Variants in MYO9A observed in about 807,000 individuals in gnomAD.
The protein encoded by MYO9A is unconventional myosin-IXa.
MYO9A carries 103 observed loss-of-function variants against 293.3 expected under a neutral mutation model. That is an observed-to-expected ratio of 0.35 (90% confidence interval 0.30 to 0.41). The LOEUF (loss-of-function observed/expected upper bound fraction) is 0.41. Ranked by LOEUF, MYO9A falls within the 10% of genes least tolerant of loss-of-function variation. MYO9A has a pLI of 1.00. For missense variants in MYO9A, 2,685 were observed against 3,033.0 expected, an observed-to-expected ratio of 0.89 and a Z score of 2.69; for synonymous variants, 1,001 against 1,035.7, an observed-to-expected ratio of 0.97 and a Z score of 0.64.
chr15:72,103,016 C>T (rs2080412042), intron 1 of MYO9A, among the ~76,000 whole-genome samples: 1 of 144,090 alleles, frequency 6.9e-6, no homozygotes, highest in African/African-American at 2.6e-5. Flanking sequence ...GAATCTCACT[C>T]TGTCACCCAG....
chr15:71,829,998 C>T, intron 40 of MYO9A, 111 bp downstream of exon 40: 1 of 1,087,396 alleles, frequency 9.2e-7, no homozygotes, highest in Non-Finnish European at 1.4e-6. Flanking sequence ...TATCATCTGA[C>T]ACAGTGTTTA....
chr15:71,955,246 G>C (rs1206778915), intron 14 of MYO9A, among the ~76,000 whole-genome samples: 1 of 151,722 alleles, frequency 6.6e-6, no homozygotes, highest in Non-Finnish European at 1.5e-5. Context: ...TCCTGCCTCA[G>C]CTTCCCAAGT....
intron 3 of MYO9A, among the ~76,000 whole-genome samples, chr15:72,030,075 T>A (rs1346816125): frequency 6.6e-6 from 1 of 152,218 alleles, no homozygotes; most frequent in Non-Finnish European, 1.5e-5. Context: ...TTCATTAAAA[T>A]AAAGCTCAAA....
intron 1 of MYO9A, among the ~76,000 whole-genome samples, chr15:72,076,892 A>C (rs780062245): frequency 7.9e-5 from 12 of 152,176 alleles, no homozygotes; most frequent in Non-Finnish European, 1.6e-4. Flanking sequence ...AGATCAATGA[A>C]ACAGAAAAGA....
chr15:72,088,906 T>C (rs1167535103), intron 1 of MYO9A, among the ~76,000 whole-genome samples: 1 of 152,220 alleles, frequency 6.6e-6, no homozygotes. Flanking sequence ...TACATGTATG[T>C]CTATGCTCAT....
intron 1 of MYO9A, among the ~76,000 whole-genome samples, chr15:72,109,215 G>A (rs769950459): frequency 4.6e-5 from 7 of 151,638 alleles, no homozygotes; most frequent in South Asian, 2.1e-4. Context: ...ACCGTGAAAC[G>A]CCACCTCTAC....
chr15:71,830,973 CTTT>C (rs67440366), intron 39 of MYO9A, among the ~76,000 whole-genome samples: 4 of 103,084 alleles, frequency 3.9e-5, no homozygotes, highest in Non-Finnish European at 5.7e-5. Flanking sequence ...CTGCTTCTTC[CTTT>C]TTTTTTTTTT....
chr15:72,031,364 T>C (rs1326988707), intron 3 of MYO9A, among the ~76,000 whole-genome samples: 1 of 152,146 alleles, frequency 6.6e-6, no homozygotes, highest in Non-Finnish European at 1.5e-5. Flanking sequence ...TACACGCCTG[T>C]AGTCCCAGCT....
chr15:72,003,205 A>G (rs28636457), intron 8 of MYO9A, among the ~76,000 whole-genome samples: 2,014 of 148,966 alleles, frequency 0.014, 28 homozygotes, highest in African/African-American at 0.023. Context: ...GGAGGCAGAG[A>G]TTGTGGTGAG....
rs1021902985 is a variant in MYO9A, at chr15:72,022,392, C to A, written c.999-1375G>T. Among the ~76,000 whole-genome samples, 10 of 151,928 alleles carry A rather than the reference C, an allele frequency of 6.6e-5. No homozygotes were observed. In the South Asian group the frequency reaches 1.3e-3, roughly 19 times the overall value. ...AAAATTAGCTGGGCATCATGACGTG[C>A]GCCTGTAGTCCCAGCTACTCTGGGA... On this transcript the variant is annotated intron_variant, in intron 4 of 41. Transcript: ENST00000356056.
At position 72,045,905 on chromosome 15, in the gene MYO9A, TCAGCCA is replaced by T; in HGVS notation, c.653_658del (p.Val218_Ala219del). 1 of 1,614,150 alleles carries T rather than the reference TCAGCCA, an allele frequency of 6.2e-7. No homozygotes were observed. The highest frequency in any genetic ancestry group is 8.5e-7 in the Non-Finnish European group (1 of 1,180,018). On this transcript the variant is annotated inframe_deletion, in exon 2 of 42. Transcript: ENST00000356056. ...CTGAAGCATGGCATGATAAGCTACA[TCAGCCA>T]CAGCATAAATGTGGGGCTCAAGTTT...
rs766156056 is a variant in MYO9A at position 72,085,393 on chromosome 15, CAAAAAAA to C, written c.-72+32280_-72+32286del. Among the ~76,000 whole-genome samples, 3 of 95,178 alleles carry C rather than the reference CAAAAAAA, an allele frequency of 3.2e-5. No homozygotes were observed. The South Asian group carries it at 9.5e-4, about 30-fold the overall frequency. 62.4% of individuals were successfully genotyped at this position (95,178 alleles called of 152,430 possible). On this transcript the variant is annotated intron_variant, in intron 1 of 41. Coordinates refer to ENST00000356056, the MANE Select transcript of MYO9A (RefSeq NM_006901.4). The stretch of plus-strand genomic sequence containing the variant: ...GGCGACAGAGTGAGAGAGTCTGTCT[CAAAAAAA>C]AAAAAAAGAAAAAATGAAAAAATCT...
At chr15:71,954,527 GATTT>G (rs1397630744) in intron 14 of MYO9A, among the ~76,000 whole-genome samples, 1 of 152,176 alleles carries the variant, frequency 6.6e-6, no homozygotes, top group Non-Finnish European at 1.5e-5. Context: ...TCTTAAAAGA[GATTT>G]ATTTAGTATT....
At chr15:71,985,471 T>C (rs1393381951) in intron 11 of MYO9A, among the ~76,000 whole-genome samples, 1 of 152,208 alleles carries the variant, frequency 6.6e-6, no homozygotes, top group African/African-American at 2.4e-5. Context: ...TGGGCTTCAG[T>C]CCTTCTGATG....
intron 1 of MYO9A, among the ~76,000 whole-genome samples, chr15:72,097,445 A>G (rs1342765025): frequency 6.6e-6 from 1 of 152,210 alleles, no homozygotes; most frequent in Non-Finnish European, 1.5e-5. Flanking sequence ...GCTATTATAC[A>G]CTTTAAATAG....
chr15:72,046,127 T>G lies in MYO9A; in HGVS notation c.437A>C (p.Lys146Thr), dbSNP rs2078377139. Residue 146 changes from lysine (K) to threonine (T), a missense_variant, in exon 2 of 42, where the codon AAA (lysine) becomes ACA (threonine). Physicochemically the swap from Lys to Thr is moderately conservative, Grantham distance 78. Around this residue, in one of 10 missense-constraint regions of MYO9A, gnomAD observed 289 missense variants for 456.8 expected, o/e 0.63. Coordinates refer to ENST00000356056, the MANE Select transcript of MYO9A (RefSeq NM_006901.4). ...TAAACTACATAAATCATCAAAGTCT[T>G]TCTGTTGAGGCTGTGGAAGAAAACC... ...ERGFLPQPQQ[K>T]DFDDLCSLPD... is the part of the protein sequence containing the mutation. 6.2e-7 allele frequency: 1 copy of G among 1,614,048 alleles called. No homozygotes were observed. The highest frequency in any genetic ancestry group is 1.3e-5 in the African/African-American group (1 of 74,918).
chr15:72,037,375 C>T (rs995589582), intron 2 of MYO9A, among the ~76,000 whole-genome samples: 2 of 151,650 alleles, frequency 1.3e-5, no homozygotes, highest in African/African-American at 2.4e-5. Flanking sequence ...TGGAAGGCCA[C>T]GAGCATGCAC....
chr15:72,107,736 A>C (rs886623480), intron 1 of MYO9A, among the ~76,000 whole-genome samples: 1 of 151,892 alleles, frequency 6.6e-6, no homozygotes, highest in Non-Finnish European at 1.5e-5. Flanking sequence ...GTTCAGGAAA[A>C]AATAATTCAG....
intron 32 of MYO9A, among the ~76,000 whole-genome samples, chr15:71,875,194 G>A (rs979553631): frequency 2.0e-5 from 3 of 151,696 alleles, no homozygotes; most frequent in African/African-American, 4.8e-5. Context: ...ATGATGTTGT[G>A]TATATGATGT....
Sources: gnomAD v4.1 joint callset for allele counts (sites outside exome capture counted in the v4.1 genomes callset) on GRCh38, gnomAD v4.1.1 for gene constraint, gnomAD v4.1.1 regional missense constraint, MANE v1.5 for transcripts, NCBI Gene and HGNC (gene_info 2026-07-23, HGNC 2026-07-21) for gene names.